Variants in FAM185A observed in about 807,000 individuals in gnomAD.
FAM185A encodes family with sequence similarity 185 member A.
In FAM185A, 21 loss-of-function variants were observed where a neutral mutation model predicts 45.7. The observed-to-expected ratio is 0.46, with a 90% CI of 0.33 to 0.66. FAM185A has a LOEUF of 0.66. FAM185A is among the 30% of genes least tolerant of loss of function. The pLI is 0.03. For synonymous variants in FAM185A, 117 were observed against 194.0 expected (o/e 0.60, Z 3.30); for missense variants, 305 against 485.4 (o/e 0.63, Z 3.49).
At chr7:102,841,468 C>T in the FAM185A span, among the ~76,000 whole-genome samples, 1 of 152,108 alleles carries the variant, frequency 6.6e-6, no homozygotes, top group Non-Finnish European at 1.5e-5. Flanking sequence ...TGGTTCTTCC[C>T]CAATGGGAGT....
At chr7:102,827,944 C>A in the FAM185A span, among the ~76,000 whole-genome samples, 3 of 152,064 alleles carry the variant, frequency 2.0e-5, no homozygotes, top group Non-Finnish European at 2.9e-5. Context: ...TGGTCTATAT[C>A]TCTGTTTTGG....
the FAM185A span, among the ~76,000 whole-genome samples, chr7:102,829,540 G>A: frequency 6.6e-6 from 1 of 152,118 alleles, no homozygotes; most frequent in African/African-American, 2.4e-5. Flanking sequence ...CTTCACGTCG[G>A]TCATGAGGGT....
the FAM185A span, chr7:102,832,749 C>T: frequency 7.1e-7 from 1 of 1,402,294 alleles, no homozygotes; most frequent in Non-Finnish European, 9.4e-7. Context: ...GCAAAGAGAA[C>T]ATATTCTGAG....
chr7:102,806,708 T>G (rs6970026), intron 7 of FAM185A, among the ~76,000 whole-genome samples: 1 of 152,182 alleles, frequency 6.6e-6, no homozygotes, highest in African/African-American at 2.4e-5. Context: ...AACCTTGATT[T>G]GTAAAGAAAA....
chr7:102,834,138 GAAA>G, the FAM185A span, among the ~76,000 whole-genome samples: 1 of 123,898 alleles, frequency 8.1e-6, no homozygotes, highest in Non-Finnish European at 1.7e-5. Context: ...AAGAAAGAAA[GAAA>G]AGAGAAGACA....
At chr7:102,834,104 A>AG in the FAM185A span, among the ~76,000 whole-genome samples, 3 of 110,520 alleles carry the variant, frequency 2.7e-5, no homozygotes, top group Non-Finnish European at 5.3e-5. Flanking sequence ...GAAAGAAAGA[A>AG]AGAAAGAAAG....
intron 7 of FAM185A, among the ~76,000 whole-genome samples, chr7:102,791,667 T>A (rs951848318): frequency 2.0e-5 from 3 of 152,154 alleles, no homozygotes; most frequent in Admixed American, 2.0e-4. Flanking sequence ...ATGAGGTTGG[T>A]CCCCAGATGG....
intron 5 of FAM185A, among the ~76,000 whole-genome samples, chr7:102,776,116 A>ACATATACAC (rs1198677194): frequency 1.8e-4 from 23 of 126,516 alleles, no homozygotes; most frequent in East Asian, 2.6e-4. Flanking sequence ...ACACACACAC[A>ACATATACAC]AATGTTTTCT....
At position 102,749,246 on chromosome 7, in the gene FAM185A, C is replaced by T; in HGVS notation, c.39C>T (p.Phe13=). Residue 13 remains phenylalanine (F), a synonymous_variant, in exon 1 of 8, where the codon TTC becomes TTT. Transcript: ENST00000413034. ...GCTCAGGTTGGGAGCTTGGCTGCTT[C>T]CGTCTCTGTCTCCGTCAGGTCCGAC... ...APCSGWELGC[F]RLCLRQVRLW... is the part of the protein sequence containing the mutation. 6.4e-7 allele frequency: 1 copy of T among 1,550,966 alleles called. No individual in the cohort carries two copies. The highest frequency in any genetic ancestry group is 8.7e-7 in the Non-Finnish European group (1 of 1,146,838).
At chr7:102,846,748 G>GAAGCTTAAGAATCATTCCT in the FAM185A span, among the ~76,000 whole-genome samples, 14 of 152,194 alleles carry the variant, frequency 9.2e-5, 1 homozygote, top group Admixed American at 3.3e-4. Flanking sequence ...TTGTACTAAG[G>GAAGCTTAAGAATCATTCCT]AAGCTTAATG....
chr7:102,809,658 C>T (rs1478314466), downstream of FAM185A, among the ~76,000 whole-genome samples: 18 of 152,298 alleles, frequency 1.2e-4, no homozygotes, highest in African/African-American at 4.1e-4. Context: ...GCCGAGATCA[C>T]ACCACTTTAC....
At chr7:102,838,445 T>C in the FAM185A span, among the ~76,000 whole-genome samples, 1 of 151,888 alleles carries the variant, frequency 6.6e-6, no homozygotes, top group Non-Finnish European at 1.5e-5. Flanking sequence ...ATGAACACCA[T>C]AGTAAAAAAA....
chr7:102,821,621 T>C, the FAM185A span, among the ~76,000 whole-genome samples: 4 of 152,224 alleles, frequency 2.6e-5, no homozygotes, highest in Non-Finnish European at 5.9e-5. Flanking sequence ...ATTTTAAGCA[T>C]TTCATATGTT....
At chr7:102,813,597 C>T (rs1380574864), downstream of FAM185A, 3 of 1,532,700 alleles carry the variant, frequency 2.0e-6, no homozygotes, top group Admixed American at 1.9e-5. Flanking sequence ...TTTTCAAACT[C>T]AACCAAATTT....
Position 102,749,200 on chromosome 7 carries a change from G to GGC in FAM185A, c.-3_-2dup, listed in dbSNP as rs1482974159. 1 of 1,551,250 alleles carries GGC rather than the reference G, an allele frequency of 6.4e-7. No homozygotes were observed. The highest frequency in any genetic ancestry group is 2.0e-5 in the Admixed American group (1 of 51,012). The stretch of plus-strand genomic sequence containing the variant: ...AAGTGTTCTGAGGACTGGCGAGAGA[G>GGC]GCGCGCCATGCTTGCCCCCTGCTCA... On this transcript the variant is annotated 5_prime_UTR_variant, in exon 1 of 8. Coordinates refer to ENST00000413034, the MANE Select transcript of FAM185A (RefSeq NM_001145268.2).
intron 1 of FAM185A, among the ~76,000 whole-genome samples, chr7:102,750,255 T>C (rs745536820): frequency 8.5e-5 from 13 of 152,240 alleles, no homozygotes; most frequent in Non-Finnish European, 2.9e-5. Context: ...CTTTCTTAGC[T>C]TTTCCTAAAT....
chr7:102,815,440 ACC>A, the FAM185A span, among the ~76,000 whole-genome samples: 1 of 152,192 alleles, frequency 6.6e-6, no homozygotes. Flanking sequence ...AAGTCCTTTA[ACC>A]CTCTTGGCTT....
At chr7:102,841,324 T>C in the FAM185A span, among the ~76,000 whole-genome samples, 2 of 151,488 alleles carry the variant, frequency 1.3e-5, no homozygotes, top group Non-Finnish European at 2.9e-5. Flanking sequence ...GCTTAAAGAG[T>C]GGGAGAGGGC....
intron 2 of FAM185A, among the ~76,000 whole-genome samples, chr7:102,757,408 G>A (rs1465634088): frequency 6.6e-6 from 1 of 152,162 alleles, no homozygotes; most frequent in African/African-American, 2.4e-5. Context: ...TATCTCTCTG[G>A]TTTGTCGTGA....
Sources: allele counts gnomAD v4.1 joint callset (sites outside exome capture counted in the v4.1 genomes callset), GRCh38; gene constraint gnomAD v4.1.1; transcripts MANE v1.5; gene names NCBI Gene and HGNC (gene_info 2026-07-23, HGNC 2026-07-21).